The following VIPR1 variants were observed in gnomAD, a reference collection of about 807,000 sequenced individuals.
VIPR1 encodes vasoactive intestinal peptide receptor 1, also known as vasoactive intestinal polypeptide receptor 1.
A neutral mutation model predicts 58.8 loss-of-function variants in VIPR1; 59 were observed. That is an observed-to-expected ratio of 1.00 (90% CI 0.81 to 1.25). VIPR1 has a LOEUF of 1.25. Among genes scored for constraint, VIPR1 ranks in the 50% most tolerant of loss-of-function variants. The pLI is 0.00. For missense variants in VIPR1, 626 were observed against 602.7 expected (o/e 1.04, Z -0.40); for synonymous variants, 251 against 242.1 (o/e 1.04, Z -0.34).
In VIPR1 at chr3:42,525,889, C is replaced by T. The variant is rs71315548; in HGVS notation, c.295C>T (p.Arg99Cys). The T allele has an allele frequency of 1.3e-5, 21 of 1,608,206 alleles. No individual in the cohort carries two copies. The highest frequency in any genetic ancestry group is 3.4e-5 in the Admixed American group (2 of 59,334). Residue 99 changes from arginine (R) to cysteine (C), a missense_variant and splice_region_variant, in exon 4 of 13, where the codon CGC becomes TGC. Physicochemically the swap from Arg to Cys is radical, Grantham distance 180. Transcript: ENST00000325123. ...IFKLFSSIQG[R>C]NVSRSCTDEG... ...CCTTGCCCCTGCCCTCCACCCAGGCCGCAATGTAAGCCGCAGCTGCACCGA... is the reference window on the plus strand; with the variant it reads ...CCTTGCCCCTGCCCTCCACCCAGGCTGCAATGTAAGCCGCAGCTGCACCGA...
In VIPR1 at chr3:42,531,672, G is replaced by A; in HGVS notation, c.852-131G>A. ...GAGGGGAGGCTGGAGGAGGACCTGG[G>A]GAGCAACAGACTCTGGGCCCGGGGT... On this transcript the variant is annotated intron_variant, in intron 8 of 12. Transcript: ENST00000325123. 12 of 1,542,166 alleles carry A rather than the reference G, an allele frequency of 7.8e-6. No homozygotes were observed. In the South Asian group the frequency reaches 1.0e-4, roughly 13 times the overall value.
chr3:42,532,220 A>G, intron 9 of VIPR1, 22 bp from the exon 10 acceptor site: 9 of 1,613,610 alleles, frequency 5.6e-6, no homozygotes, highest in Non-Finnish European at 7.6e-6. Context: ...TGACTGCCCG[A>G]ACTCGGGTCC....
At position 42,530,575 on chromosome 3, in the gene VIPR1, A is replaced by T. The variant is rs1005855631; in HGVS notation, c.637-204A>T. The T allele has an allele frequency of 5.3e-6, 3 of 568,052 alleles. No individual in the cohort carries two copies. In the Admixed American group the frequency reaches 9.4e-5, roughly 18 times the overall value. The allele number at this position is 568,052 out of a possible 1,614,324, so 35.2% of individuals were successfully genotyped here. A position where few individuals can be genotyped will look rare whatever the true frequency, so the allele number is the denominator to read the frequency against. Reference sequence around the variant, plus strand: ...AATTGATGGATGGATAATTAAAATCACCAGTTTATCCCGAAGTATCAGAGG... The same window carrying T: ...AATTGATGGATGGATAATTAAAATCTCCAGTTTATCCCGAAGTATCAGAGG... On this transcript the variant is annotated intron_variant, in intron 6 of 12. Coordinates refer to ENST00000325123, the MANE Select transcript of VIPR1 (RefSeq NM_004624.4).
intron 2 of VIPR1, among the ~76,000 whole-genome samples, chr3:42,517,713 C>T (rs13086076): frequency 0.035 from 5,371 of 152,290 alleles, 118 homozygotes; most frequent in Non-Finnish European, 0.053. Context: ...GTGGCTCATG[C>T]CTGTAATCCC....
chr3:42,519,315 T>C lies in VIPR1; in HGVS notation c.277T>C (p.Phe93Leu). ...GGCCTGTCCCCTCATCTTCAAGCTCTTCTCCTCCATTCAAGGTAAGACCCC... is the reference window on the plus strand; with the variant it reads ...GGCCTGTCCCCTCATCTTCAAGCTCCTCTCCTCCATTCAAGGTAAGACCCC... Reference protein sequence around the residue: ...VLACPLIFKLFSSIQGRNVSR... With the variant: ...VLACPLIFKLLSSIQGRNVSR... The change falls in exon 3 of 13, where the codon TTC becomes CTC. Residue 93 changes from phenylalanine to leucine, a missense_variant. By Grantham distance (22) the Phe-to-Leu change is conservative. Coordinates refer to ENST00000325123, the MANE Select transcript of VIPR1 (RefSeq NM_004624.4). 6.2e-7 allele frequency: 1 copy of C among 1,608,812 alleles called. No homozygotes were observed. Among genetic ancestry groups the C allele is most frequent in the Non-Finnish European group, 8.5e-7 (1 of 1,177,564 alleles).
intron 1 of VIPR1, among the ~76,000 whole-genome samples, chr3:42,503,721 G>A (rs1362703772): frequency 2.6e-5 from 4 of 152,160 alleles, no homozygotes; most frequent in African/African-American, 7.2e-5. Flanking sequence ...TGGGCAAAGC[G>A]AGGTCCAGAG....
rs544944609 is a variant in VIPR1, at chr3:42,535,493, C to G, written c.1182+109C>G. 22 of 1,229,012 alleles carry G rather than the reference C, an allele frequency of 1.8e-5. No homozygotes were observed. The African/African-American group carries it at 2.8e-4, about 16-fold the overall frequency. 76.1% of individuals were successfully genotyped at this position (1,229,012 alleles called of 1,614,324 possible). A position where few individuals can be genotyped will look rare whatever the true frequency, so the allele number is the denominator to read the frequency against. On this transcript the variant is annotated intron_variant, in intron 12 of 12. Transcript: ENST00000325123. ...CAAGGACGGGTTAAACCTTGCTGCT[C>G]CAAGTATGGTCCTCAAACTAGTAGC...
chr3:42,527,822 A>T, intron 5 of VIPR1, 169 bp from the exon 6 acceptor site: 1 of 979,608 alleles, frequency 1.0e-6, no homozygotes, highest in Non-Finnish European at 1.5e-6. Flanking sequence ...TGGATGGGGT[A>T]CCTGGGGGTG....
At chr3:42,527,338 C>G (rs925143528) in intron 4 of VIPR1, 55 bp from the exon 5 acceptor site, 3 of 1,550,410 alleles carry the variant, frequency 1.9e-6, no homozygotes, top group South Asian at 1.1e-5. Context: ...GCCAATACCC[C>G]CTAGATGAGC....
At chr3:42,494,642 C>T (rs943938974) in intron 1 of VIPR1, among the ~76,000 whole-genome samples, 2 of 152,184 alleles carry the variant, frequency 1.3e-5, no homozygotes, top group Non-Finnish European at 2.9e-5. Context: ...CCTTGCTAAA[C>T]CTTTGTCTAT....
At chr3:42,525,206 C>G (rs1236826025) in intron 3 of VIPR1, among the ~76,000 whole-genome samples, 1 of 152,170 alleles carries the variant, frequency 6.6e-6, no homozygotes, top group South Asian at 2.1e-4. Flanking sequence ...TCACATACCC[C>G]CTAAGCGGTC....
chr3:42,528,401 C>A, intron 6 of VIPR1: 1 of 472,814 alleles, frequency 2.1e-6, no homozygotes, highest in Non-Finnish European at 3.9e-6. Context: ...ACTTCATGGC[C>A]ACAGCCCAGA....
In VIPR1 at chr3:42,513,736, T is replaced by C. The variant is rs549916964; in HGVS notation, c.79-13T>C. The C allele has an allele frequency of 6.4e-7, 1 of 1,551,062 alleles. No homozygotes were observed. Among genetic ancestry groups the C allele is most frequent in the South Asian group, 1.2e-5 (1 of 84,026 alleles). On this transcript the variant is annotated splice_polypyrimidine_tract_variant and intron_variant, in intron 1 of 12. Transcript: ENST00000325123. ...GGACGAGGCTGATGGGCCCTCCCTG[T>C]CTTTGTTCTCAGGGCGGCCAGGCGG...
At position 42,536,509 on chromosome 3, in the gene VIPR1, A is replaced by T; in HGVS notation, c.*228A>T. On this transcript the variant is annotated 3_prime_UTR_variant, in exon 13 of 13. Coordinates refer to ENST00000325123, the MANE Select transcript of VIPR1 (RefSeq NM_004624.4). ...GAGATGGGAGCTCCTCTCCTGGAGG[A>T]TTGCAGGTGGAACTCAGTCATTAGA... is the stretch of plus-strand genomic sequence containing the variant. 1 of 448,088 alleles carries T rather than the reference A, an allele frequency of 2.2e-6. No homozygotes were observed. Among genetic ancestry groups the T allele is most frequent in the Non-Finnish European group, 3.9e-6 (1 of 258,896 alleles). 27.8% of individuals were successfully genotyped at this position (448,088 alleles called of 1,614,324 possible).
At position 42,502,708 on chromosome 3, in the gene VIPR1, G is replaced by A; in HGVS notation, c.-28G>A. On this transcript the variant is annotated 5_prime_UTR_variant, in exon 1 of 13. Transcript: ENST00000325123. The stretch of plus-strand genomic sequence containing the variant: ...CCCGCCAGCTCTTTGCCCGCGCGGG[G>A]CCGCCCGCCGCGGGCTCAGGGCAGA... 7.8e-7 allele frequency: 1 copy of A among 1,282,258 alleles called. No individual in the cohort carries two copies. The highest frequency in any genetic ancestry group is 9.8e-7 in the Non-Finnish European group (1 of 1,019,230). 79.4% of individuals were successfully genotyped at this position (1,282,258 alleles called of 1,614,324 possible). A position where few individuals can be genotyped will look rare whatever the true frequency, so the allele number is the denominator to read the frequency against.
chr3:42,525,883 C>G lies in VIPR1; in HGVS notation c.293-4C>G, dbSNP rs1340939547. ...CTTTGTCCTTGCCCCTGCCCTCCAC[C>G]CAGGCCGCAATGTAAGCCGCAGCTG... On this transcript the variant is annotated splice_polypyrimidine_tract_variant and splice_region_variant and intron_variant, in intron 3 of 12. Transcript: ENST00000325123. 6.2e-7 allele frequency: 1 copy of G among 1,605,412 alleles called. No individual in the cohort carries two copies. The highest frequency in any genetic ancestry group is 1.3e-5 in the African/African-American group (1 of 74,898).
chr3:42,517,230 G>A (rs551966034), intron 2 of VIPR1, among the ~76,000 whole-genome samples: 7 of 152,308 alleles, frequency 4.6e-5, no homozygotes, highest in African/African-American at 7.2e-5. Context: ...ACACAGTCCC[G>A]AGGCTCTTCC....
intron 3 of VIPR1, among the ~76,000 whole-genome samples, chr3:42,522,856 T>C (rs909659920): frequency 1.2e-4 from 19 of 152,130 alleles, no homozygotes. Context: ...GGATCCTAGC[T>C]AGGCACAAGC....
chr3:42,529,189 G>A (rs772338645), intron 6 of VIPR1, among the ~76,000 whole-genome samples: 2 of 152,210 alleles, frequency 1.3e-5, no homozygotes, highest in Non-Finnish European at 2.9e-5. Flanking sequence ...CGCGGATTAT[G>A]GCTCACGCCT....
Sources: allele counts gnomAD v4.1 joint callset (sites outside exome capture counted in the v4.1 genomes callset), GRCh38; gene constraint gnomAD v4.1.1; transcripts MANE v1.5; gene names NCBI Gene and HGNC (gene_info 2026-07-23, HGNC 2026-07-21).